The following BTBD3 variants were observed in gnomAD, a reference collection of about 807,000 sequenced individuals.
BTBD3 encodes the protein BTB domain containing 3.
In BTBD3, 14 loss-of-function variants were observed where a neutral mutation model predicts 41.6. The observed-to-expected ratio is 0.34, with a 90% CI of 0.22 to 0.53. BTBD3 has a LOEUF of 0.53. Ranked by LOEUF, BTBD3 falls within the 20% of genes least tolerant of loss-of-function variation. The pLI, the probability that BTBD3 is intolerant of heterozygous loss-of-function variation, is 0.95. For synonymous variants in BTBD3, 249 were observed against 233.7 expected (o/e 1.07, Z -0.60); for missense variants, 426 against 654.7 (o/e 0.65, Z 3.81).
At chr20:11,903,568 A>G (rs1321806866) in intron 1 of BTBD3, among the ~76,000 whole-genome samples, 2 of 152,078 alleles carry the variant, frequency 1.3e-5, no homozygotes, top group African/African-American at 2.4e-5. Flanking sequence ...GATGCCAAAC[A>G]GTGCCATTGA....
intron 1 of BTBD3, among the ~76,000 whole-genome samples, chr20:11,900,852 T>G (rs910379925): frequency 1.3e-5 from 2 of 151,578 alleles, no homozygotes; most frequent in Admixed American, 6.6e-5. Context: ...GGACTATAGG[T>G]GCCCGCCACC....
chr20:11,911,271 C>T (rs2056887655), intron 1 of BTBD3, among the ~76,000 whole-genome samples: 1 of 152,144 alleles, frequency 6.6e-6, no homozygotes. Context: ...TAAAATATGG[C>T]ACTTACATAT....
At chr20:11,914,148 A>T (rs1212036662), upstream of BTBD3, among the ~76,000 whole-genome samples, 2 of 152,188 alleles carry the variant, frequency 1.3e-5, no homozygotes, top group Non-Finnish European at 2.9e-5. Context: ...TTTTAGGAGT[A>T]AAATGTAGCA....
intron 1 of BTBD3, among the ~76,000 whole-genome samples, chr20:11,901,599 A>C (rs1253042502): frequency 6.6e-6 from 1 of 152,184 alleles, no homozygotes; most frequent in Non-Finnish European, 1.5e-5. Context: ...TTTCTGTGGG[A>C]TCAGCTCACG....
At chr20:11,918,766 T>TAA in intron 1 of BTBD3, 165 bp downstream of exon 1, 1 of 745,392 alleles carries the variant, frequency 1.3e-6, no homozygotes, top group Non-Finnish European at 2.1e-6. Context: ...ACAGTACAGC[T>TAA]GTTTTCCTCT....
intron 1 of BTBD3, among the ~76,000 whole-genome samples, chr20:11,897,484 C>CAAAAA (rs71186168): frequency 4.5e-3 from 292 of 65,294 alleles, no homozygotes; most frequent in Middle Eastern, 0.014. Flanking sequence ...GTTATTTAAG[C>CAAAAA]AAAAAAAAAA....
chr20:11,921,954 C>T (rs1024866805), intron 3 of BTBD3, among the ~76,000 whole-genome samples: 11 of 152,156 alleles, frequency 7.2e-5, no homozygotes, highest in African/African-American at 2.7e-4. Flanking sequence ...AGGAATAATA[C>T]ATATTTAAGC....
At chr20:11,915,480 T>C (rs543055297), upstream of BTBD3, among the ~76,000 whole-genome samples, 5 of 152,196 alleles carry the variant, frequency 3.3e-5, no homozygotes, top group Non-Finnish European at 5.9e-5. Flanking sequence ...TCAGTAGTTA[T>C]CTATGTGAAG....
exon 1 of BTBD3, chr20:11,890,903 A>G (rs2056746306): frequency 3.0e-6 from 3 of 984,692 alleles, no homozygotes; most frequent in Non-Finnish European, 3.6e-6. Flanking sequence ...GAGCGGGCAC[A>G]GGGCAAGGCG....
intron 1 of BTBD3, among the ~76,000 whole-genome samples, chr20:11,903,862 C>G (rs1405312749): frequency 6.6e-6 from 1 of 152,164 alleles, no homozygotes; most frequent in Non-Finnish European, 1.5e-5. Context: ...CCTGCCTTGG[C>G]CTCCCAAAAT....
chr20:11,911,860 A>C (rs2056891415), intron 1 of BTBD3, among the ~76,000 whole-genome samples: 1 of 152,162 alleles, frequency 6.6e-6, no homozygotes, highest in Non-Finnish European at 1.5e-5. Context: ...TGGGATTTAG[A>C]TGAGTAGTTT....
chr20:11,902,256 T>TA (rs1180482026), intron 1 of BTBD3, among the ~76,000 whole-genome samples: 2 of 152,160 alleles, frequency 1.3e-5, no homozygotes, highest in East Asian at 3.8e-4. Context: ...GAAGTGAAAA[T>TA]ACATTTATAG....
At chr20:11,913,510 T>C (rs2056901457), upstream of BTBD3, 2 of 152,156 alleles carry the variant, frequency 1.3e-5, no homozygotes, top group South Asian at 4.1e-4. Context: ...ATATGACAAT[T>C]GAGCATTCTG....
exon 1 of BTBD3, chr20:11,890,878 C>T (rs1600221576): frequency 2.0e-6 from 2 of 984,890 alleles, no homozygotes; most frequent in East Asian, 1.1e-4. Context: ...CCGAGTGCCC[C>T]GGCCGGGGCC....
chr20:11,895,518 A>T (rs1443103490), intron 1 of BTBD3, among the ~76,000 whole-genome samples: 2 of 152,034 alleles, frequency 1.3e-5, no homozygotes, highest in Non-Finnish European at 2.9e-5. Context: ...GGCTGGTCAG[A>T]GAGTGGTCTT....
upstream of BTBD3, among the ~76,000 whole-genome samples, chr20:11,915,898 A>G (rs1204895155): frequency 6.6e-6 from 1 of 152,184 alleles, no homozygotes; most frequent in Non-Finnish European, 1.5e-5. Flanking sequence ...AAACTGTTAC[A>G]TCCACTTTAC....
At chr20:11,909,483 C>T (rs374063443) in intron 1 of BTBD3, 29 of 151,882 alleles carry the variant, frequency 1.9e-4, no homozygotes, top group African/African-American at 5.8e-4. Context: ...GGTATCTACT[C>T]GAGAGAAGGT....
At chr20:11,908,321 G>GTTT (rs3834758) in intron 1 of BTBD3, among the ~76,000 whole-genome samples, 5 of 77,074 alleles carry the variant, frequency 6.5e-5, no homozygotes, top group East Asian at 6.2e-4. Flanking sequence ...CTTCTCTGTG[G>GTTT]TTTTTTTTTT....
intron 1 of BTBD3, among the ~76,000 whole-genome samples, chr20:11,911,581 A>G (rs1430139129): frequency 6.6e-6 from 1 of 152,108 alleles, no homozygotes; most frequent in African/African-American, 2.4e-5. Context: ...AATTGCAGAA[A>G]AAAAAAATCT....
Sources: gnomAD v4.1 joint callset for allele counts (sites outside exome capture counted in the v4.1 genomes callset) on GRCh38, gnomAD v4.1.1 for gene constraint, MANE v1.5 for transcripts, NCBI Gene and HGNC (gene_info 2026-07-23, HGNC 2026-07-21) for gene names.